The following SYNDIG1 variants were observed in gnomAD, a reference collection of about 807,000 sequenced individuals.
SYNDIG1 encodes synapse differentiation-inducing gene protein 1.
SYNDIG1 carries 9 observed loss-of-function variants against 19.4 expected under a neutral mutation model. That is an observed-to-expected ratio of 0.46 (90% confidence interval 0.28 to 0.81). The LOEUF is 0.81. Ranked by LOEUF, SYNDIG1 falls within the 30% of genes least tolerant of loss-of-function variation. The pLI, the probability that SYNDIG1 is intolerant of heterozygous loss-of-function variation, is 0.12. For synonymous variants in SYNDIG1, 141 were observed against 145.9 expected (o/e 0.97, Z 0.24); for missense variants, 311 against 343.3 (o/e 0.91, Z 0.74).
At chr20:24,604,853 C>T (rs1185323038) in intron 3 of SYNDIG1, among the ~76,000 whole-genome samples, 1 of 152,246 alleles carries the variant, frequency 6.6e-6, no homozygotes, top group Non-Finnish European at 1.5e-5. Flanking sequence ...GACTCCTTTC[C>T]GGTAACACTG....
At chr20:24,659,294 G>A (rs984167865) in intron 3 of SYNDIG1, among the ~76,000 whole-genome samples, 2 of 152,232 alleles carry the variant, frequency 1.3e-5, no homozygotes, top group South Asian at 2.1e-4. Flanking sequence ...TTTGGGGCCT[G>A]CCTGCATGGG....
intron 1 of SYNDIG1, 29 bp from the exon 2 acceptor site, chr20:24,542,989 CTT>C (rs907341250): frequency 2.0e-5 from 30 of 1,499,796 alleles, no homozygotes; most frequent in Non-Finnish European, 2.5e-5. Context: ...GTGTGATTCT[CTT>C]GTCTCATCTC....
chr20:24,556,799 TC>T (rs1331564698), intron 2 of SYNDIG1, among the ~76,000 whole-genome samples: 14 of 152,212 alleles, frequency 9.2e-5, no homozygotes, highest in Admixed American at 3.3e-4. Flanking sequence ...GTTGCTCTTC[TC>T]AAGGAGTATC....
At chr20:24,527,323 A>C (rs2057144220) in intron 1 of SYNDIG1, among the ~76,000 whole-genome samples, 2 of 152,066 alleles carry the variant, frequency 1.3e-5, no homozygotes, top group Non-Finnish European at 2.9e-5. Context: ...TCCAACAAAA[A>C]TATTTTTTGC....
intron 2 of SYNDIG1, among the ~76,000 whole-genome samples, chr20:24,557,336 C>T (rs1053107809): frequency 5.3e-5 from 8 of 152,184 alleles, no homozygotes; most frequent in South Asian, 4.1e-4. Context: ...AGCTTTGTTC[C>T]GTTGCTGGTG....
chr20:24,528,943 G>A (rs1380241020), intron 1 of SYNDIG1, among the ~76,000 whole-genome samples: 1 of 152,168 alleles, frequency 6.6e-6, no homozygotes, highest in Non-Finnish European at 1.5e-5. Flanking sequence ...TGTTTTTCAA[G>A]GCACATTAAG....
intron 1 of SYNDIG1, among the ~76,000 whole-genome samples, chr20:24,532,821 G>A (rs979488603): frequency 6.6e-6 from 1 of 152,052 alleles, no homozygotes; most frequent in Admixed American, 6.6e-5. Flanking sequence ...AAACTCCTGG[G>A]CTCAATCTCC....
rs1183564019 is a variant in SYNDIG1, at chr20:24,524,564, T to A, written c.-78-18456T>A. Among the ~76,000 whole-genome samples, 4 of 151,212 alleles carry A rather than the reference T, an allele frequency of 2.6e-5. No individual in the cohort carries two copies. The East Asian group carries it at 5.8e-4, about 22-fold the overall frequency. On this transcript the variant is annotated intron_variant, in intron 1 of 3. Transcript: ENST00000376862. Reference sequence around the variant, plus strand: ...GGGAGGCTGAGGCAGGAGAACGGCGTGAACCCGGGAGGCGGAGCTTACAGT... The same window carrying A: ...GGGAGGCTGAGGCAGGAGAACGGCGAGAACCCGGGAGGCGGAGCTTACAGT...
chr20:24,631,580 T>TG (rs1385153689), intron 3 of SYNDIG1, among the ~76,000 whole-genome samples: 1 of 152,214 alleles, frequency 6.6e-6, no homozygotes, highest in Non-Finnish European at 1.5e-5. Context: ...GAGGACCTTT[T>TG]TAGTTTATCA....
At chr20:24,612,042 A>G (rs899170206) in intron 3 of SYNDIG1, among the ~76,000 whole-genome samples, 7 of 152,212 alleles carry the variant, frequency 4.6e-5, no homozygotes, top group African/African-American at 1.4e-4. Flanking sequence ...CAAGAAAAAT[A>G]TTGTCCCAGA....
intron 1 of SYNDIG1, among the ~76,000 whole-genome samples, chr20:24,508,645 G>A (rs1381829116): frequency 2.0e-5 from 3 of 152,188 alleles, no homozygotes; most frequent in Non-Finnish European, 2.9e-5. Context: ...AAAAAATTCA[G>A]AGGAAAGCCT....
At chr20:24,481,547 G>A (rs944686084) in intron 1 of SYNDIG1, among the ~76,000 whole-genome samples, 4 of 152,304 alleles carry the variant, frequency 2.6e-5, no homozygotes, top group African/African-American at 9.6e-5. Flanking sequence ...CTGGGTCAGC[G>A]CCACAAGATT....
intron 1 of SYNDIG1, among the ~76,000 whole-genome samples, chr20:24,485,394 A>C (rs1177569585): frequency 3.3e-5 from 5 of 152,204 alleles, no homozygotes; most frequent in Admixed American, 2.0e-4. Flanking sequence ...TGCATTTGTC[A>C]TTACGTAAGG....
chr20:24,564,657 G>A (rs564837953), intron 2 of SYNDIG1, among the ~76,000 whole-genome samples: 99 of 152,316 alleles, frequency 6.5e-4, no homozygotes, highest in Admixed American at 5.6e-3. Flanking sequence ...CAAGCTCATC[G>A]ATCTTTAATG....
At chr20:24,517,872 C>T (rs2056920173) in intron 1 of SYNDIG1, among the ~76,000 whole-genome samples, 1 of 150,282 alleles carries the variant, frequency 6.7e-6, no homozygotes, top group South Asian at 2.1e-4. Flanking sequence ...GTGGCACGAT[C>T]TCGGCTCACT....
intron 3 of SYNDIG1, among the ~76,000 whole-genome samples, chr20:24,592,988 T>C (rs1391710491): frequency 6.6e-6 from 1 of 152,066 alleles, no homozygotes; most frequent in Admixed American, 6.5e-5. Context: ...CATCTGAAAG[T>C]AGGGAGAAAT....
At chr20:24,594,812 AT>A (rs1279299091) in intron 3 of SYNDIG1, among the ~76,000 whole-genome samples, 2 of 151,736 alleles carry the variant, frequency 1.3e-5, no homozygotes, top group East Asian at 3.9e-4. Context: ...GCTTTCTTGA[AT>A]CTTGGGTGTT....
At chr20:24,509,413 G>A (rs1426225003) in intron 1 of SYNDIG1, among the ~76,000 whole-genome samples, 2 of 152,084 alleles carry the variant, frequency 1.3e-5, no homozygotes, top group Non-Finnish European at 2.9e-5. Context: ...AACAATACAA[G>A]GAGTTTAGAA....
chr20:24,493,708 G>A (rs1007017741), intron 1 of SYNDIG1, among the ~76,000 whole-genome samples: 1 of 152,218 alleles, frequency 6.6e-6, no homozygotes, highest in Non-Finnish European at 1.5e-5. Flanking sequence ...GTGAGCAGTG[G>A]AGGGTGGTGG....
Sources: allele counts gnomAD v4.1 joint callset (sites outside exome capture counted in the v4.1 genomes callset), GRCh38; gene constraint gnomAD v4.1.1; transcripts MANE v1.5; gene names NCBI Gene and HGNC (gene_info 2026-07-23, HGNC 2026-07-21).